The following CERS6 variants were observed in gnomAD, a reference collection of about 807,000 sequenced individuals.
The protein encoded by CERS6 is LAG1 homolog, ceramide synthase 6.
A neutral mutation model predicts 56.8 loss-of-function variants in CERS6; 26 were observed. The ratio of observed to expected loss-of-function variants is 0.46; its 90% CI spans 0.34 to 0.63. CERS6 has a LOEUF of 0.63. Ranked by LOEUF, CERS6 falls within the 30% of genes least tolerant of loss-of-function variation. CERS6 has a pLI of 0.01. For missense variants in CERS6, 415 were observed against 467.5 expected (o/e 0.89, Z 1.04); for synonymous variants, 164 against 173.3 (o/e 0.95, Z 0.42).
At chr2:168,540,110 T>G (rs1439746577) in intron 1 of CERS6, among the ~76,000 whole-genome samples, 1 of 152,138 alleles carries the variant, frequency 6.6e-6, no homozygotes, top group Non-Finnish European at 1.5e-5. Flanking sequence ...TTCACTTTCA[T>G]TCTTTGAAGG....
intron 5 of CERS6, 120 bp downstream of exon 5, chr2:168,691,204 C>A (rs891612086): frequency 1.2e-6 from 1 of 816,900 alleles, no homozygotes; most frequent in Non-Finnish European, 2.1e-6. Flanking sequence ...GCCCCACTCC[C>A]GCTGATCAGT....
chr2:168,508,143 T>G (rs1694714486), intron 1 of CERS6, among the ~76,000 whole-genome samples: 1 of 152,234 alleles, frequency 6.6e-6, no homozygotes, highest in Non-Finnish European at 1.5e-5. Flanking sequence ...TGTAAGCTGG[T>G]AAATCCTTTC....
chr2:168,549,880 G>A (rs1239393055), intron 2 of CERS6, among the ~76,000 whole-genome samples: 1 of 152,114 alleles, frequency 6.6e-6, no homozygotes, highest in Non-Finnish European at 1.5e-5. Flanking sequence ...ACTTGGGAGA[G>A]CTTGAACAAA....
intron 4 of CERS6, among the ~76,000 whole-genome samples, chr2:168,649,261 A>G (rs1344308320): frequency 6.6e-6 from 1 of 151,340 alleles, no homozygotes; most frequent in Non-Finnish European, 1.5e-5. Context: ...ACAGAAGGAA[A>G]CAGTCTCAGA....
chr2:168,548,905 T>C (rs975325169), intron 2 of CERS6, among the ~76,000 whole-genome samples: 1 of 152,206 alleles, frequency 6.6e-6, no homozygotes, highest in Admixed American at 6.5e-5. Context: ...TGATGGTTTT[T>C]ATGGGGTAAT....
intron 4 of CERS6, among the ~76,000 whole-genome samples, chr2:168,687,586 A>G (rs944375789): frequency 2.6e-5 from 4 of 152,324 alleles, no homozygotes; most frequent in African/African-American, 4.8e-5. Flanking sequence ...ATTGCTTACA[A>G]TGTTGTCAGA....
intron 3 of CERS6, among the ~76,000 whole-genome samples, chr2:168,563,876 G>A (rs1205404862): frequency 2.6e-5 from 4 of 151,954 alleles, no homozygotes; most frequent in African/African-American, 7.2e-5. Flanking sequence ...AGGATCAACT[G>A]TAGGTTGGGG....
intron 7 of CERS6, among the ~76,000 whole-genome samples, chr2:168,715,764 T>C (rs1175160984): frequency 2.0e-5 from 3 of 152,144 alleles, no homozygotes; most frequent in Non-Finnish European, 4.4e-5. Context: ...TGATGTGATA[T>C]TTACTTTTAA....
At chr2:168,638,451 TAAAAC>T (rs1684912425) in intron 4 of CERS6, among the ~76,000 whole-genome samples, 2 of 151,172 alleles carry the variant, frequency 1.3e-5, no homozygotes, top group South Asian at 4.2e-4. Context: ...GTATCAAAAA[TAAAAC>T]ACATTACCCC....
chr2:168,468,081 G>T (rs1464259146), intron 1 of CERS6, among the ~76,000 whole-genome samples: 1 of 152,146 alleles, frequency 6.6e-6, no homozygotes, highest in Admixed American at 6.5e-5. Flanking sequence ...AACAGTTAAT[G>T]ATGTGGGTTG....
At chr2:168,551,231 C>G (rs941501824) in intron 2 of CERS6, among the ~76,000 whole-genome samples, 1 of 152,110 alleles carries the variant, frequency 6.6e-6, no homozygotes, top group Non-Finnish European at 1.5e-5. Context: ...AAAATTTGAA[C>G]CCTTATATAT....
At chr2:168,690,279 C>A (rs1686465639) in intron 4 of CERS6, among the ~76,000 whole-genome samples, 1 of 152,122 alleles carries the variant, frequency 6.6e-6, no homozygotes, top group African/African-American at 2.4e-5. Flanking sequence ...AGAATTATAA[C>A]ATTAATACTT....
chr2:168,676,658 C>T (rs774532011), intron 4 of CERS6, among the ~76,000 whole-genome samples: 4 of 152,190 alleles, frequency 2.6e-5, no homozygotes, highest in Non-Finnish European at 5.9e-5. Context: ...CACACGTTGT[C>T]AGTCATACTT....
chr2:168,477,147 G>A (rs1694087702), intron 1 of CERS6, among the ~76,000 whole-genome samples: 1 of 150,380 alleles, frequency 6.6e-6, no homozygotes, highest in Admixed American at 6.6e-5. Flanking sequence ...ATGGTAGAGT[G>A]AGGGAGGAAA....
chr2:168,657,130 C>T lies in CERS6; in HGVS notation c.465+26088C>T, dbSNP rs189715689. ...ACGTCCTCACCAGAGCAGCTAGATA[C>T]CTCACCGATTGGTGCAGTCACAAAC... On this transcript the variant is annotated intron_variant, in intron 4 of 9. Coordinates refer to ENST00000305747, the MANE Select transcript of CERS6 (RefSeq NM_203463.3). Among the ~76,000 whole-genome samples, 184 of 151,562 alleles carry T rather than the reference C, an allele frequency of 1.2e-3. 1 individual carries two copies. Among genetic ancestry groups the T allele is most frequent in the Non-Finnish European group, 2.0e-3 (139 of 67,912 alleles).
chr2:168,725,427 G>T (rs966277691), intron 8 of CERS6, among the ~76,000 whole-genome samples: 1 of 152,276 alleles, frequency 6.6e-6, no homozygotes, highest in African/African-American at 2.4e-5. Flanking sequence ...GAGCGAGCGA[G>T]GGCTGTGAGG....
At chr2:168,554,100 T>C (rs1055827111) in intron 2 of CERS6, among the ~76,000 whole-genome samples, 6 of 151,902 alleles carry the variant, frequency 3.9e-5, no homozygotes, top group African/African-American at 1.5e-4. Flanking sequence ...ATTTGAATTA[T>C]TAGAGATGGA....
rs1019400642 is a variant in CERS6 at position 168,671,336 on chromosome 2, T to C, written c.466-19698T>C. Among the ~76,000 whole-genome samples the C allele has an allele frequency of 3.9e-5, 6 of 152,154 alleles. No homozygotes were observed. In the East Asian group the frequency reaches 1.2e-3, roughly 29 times the overall value. On this transcript the variant is annotated intron_variant, in intron 4 of 9. Transcript: ENST00000305747. ...ATTGTGCCAGCGTTCAGTTTGATTA[T>C]TTTTATACCACTTGTTAAAGTGGCG...
intron 2 of CERS6, among the ~76,000 whole-genome samples, chr2:168,549,741 C>T (rs1695532654): frequency 6.6e-6 from 1 of 152,276 alleles, no homozygotes; most frequent in Admixed American, 6.5e-5. Flanking sequence ...ATGATTAAAA[C>T]AGAAGCGTCA....
Sources: gnomAD v4.1 joint callset for allele counts (sites outside exome capture counted in the v4.1 genomes callset) on GRCh38, gnomAD v4.1.1 for gene constraint, MANE v1.5 for transcripts, NCBI Gene and HGNC (gene_info 2026-07-23, HGNC 2026-07-21) for gene names.